Variants in CHPT1 observed in about 807,000 individuals in gnomAD.
CHPT1 encodes the protein cholinephosphotransferase 1.
In CHPT1, 36 loss-of-function variants were observed where a neutral mutation model predicts 47.6. The observed-to-expected ratio is 0.76, with a 90% CI of 0.58 to 1.00. The LOEUF (loss-of-function observed/expected upper bound fraction) is 1.00, where lower values mean the gene tolerates loss of function less well. CHPT1 is among the 50% of genes least tolerant of loss of function. The pLI, the probability that CHPT1 is intolerant of heterozygous loss-of-function variation, is 0.00. For synonymous variants in CHPT1, 194 were observed against 186.3 expected, an observed-to-expected ratio of 1.04 and a Z score of -0.33; for missense variants, 458 against 498.1, an observed-to-expected ratio of 0.92 and a Z score of 0.77.
intron 1 of CHPT1, among the ~76,000 whole-genome samples, chr12:101,707,190 G>A (rs1459945880): frequency 6.6e-6 from 1 of 152,196 alleles, no homozygotes; most frequent in African/African-American, 2.4e-5. Flanking sequence ...CCTTGAAGGA[G>A]GGGGCATATG....
chr12:101,728,698 C>T, intron 8 of CHPT1: 1 of 549,878 alleles, frequency 1.8e-6, no homozygotes, highest in Non-Finnish European at 3.1e-6. Flanking sequence ...GAAAAATTCA[C>T]TATCATTACT....
At position 101,697,969 on chromosome 12, in the gene CHPT1, G is replaced by C; in HGVS notation, c.108G>C (p.Ala36=). 1 of 1,504,486 alleles carries C rather than the reference G, an allele frequency of 6.6e-7. No individual in the cohort carries two copies. The highest frequency in any genetic ancestry group is 8.8e-7 in the Non-Finnish European group (1 of 1,137,284). 93.2% of individuals were successfully genotyped at this position (1,504,486 alleles called of 1,614,324 possible). ...GACTGGAGGAGCACCGCTACAGCGC[G>C]GCGGGCGTCTCGCTGCTCGAGCCGC... ...LRRLEEHRYS[A]AGVSLLEPPL... Residue 36 remains alanine (A), a synonymous_variant, in exon 1 of 9, where the codon GCG becomes GCC. Coordinates refer to ENST00000229266, the MANE Select transcript of CHPT1 (RefSeq NM_020244.3).
At position 101,697,676 on chromosome 12, in the gene CHPT1, T is replaced by TCTGGGG. The variant is rs1368015239; in HGVS notation, c.-178_-173dup. 1 of 164,100 alleles carries TCTGGGG rather than the reference T, an allele frequency of 6.1e-6. No homozygotes were observed. The highest frequency in any genetic ancestry group is 2.4e-5 in the African/African-American group (1 of 41,476). The allele number at this position is 164,100 out of a possible 1,614,324, so 10.2% of individuals were successfully genotyped here. On this transcript the variant is annotated 5_prime_UTR_variant, in exon 1 of 9. Coordinates refer to ENST00000229266, the MANE Select transcript of CHPT1 (RefSeq NM_020244.3). ...GAGCCGCAGCCGCGGCCCCACAGCT[T>TCTGGGG]CTGGGGCTGGGGCCCCGGCAGCCGG...
chr12:101,723,186 C>T lies in CHPT1; in HGVS notation c.799C>T (p.Pro267Ser), dbSNP rs762442659. The T allele has an allele frequency of 3.7e-6, 6 of 1,612,462 alleles. No homozygotes were observed. Among genetic ancestry groups the T allele is most frequent in the Non-Finnish European group, 5.1e-6 (6 of 1,179,058 alleles). Reference protein sequence around the residue: ...STIAGTSVLSPGLHIGLIIIL... With the variant: ...STIAGTSVLSSGLHIGLIIIL... ...CCCTTAGGGCACCAGTGTCTTGTCA[C>T]CTGGACTCCACATAGGACTAATTAT... is the stretch of plus-strand genomic sequence containing the variant. Residue 267 changes from proline to serine, a missense_variant, in exon 6 of 9, where the codon CCT becomes TCT. Transcript: ENST00000229266.
intron 1 of CHPT1, among the ~76,000 whole-genome samples, chr12:101,709,461 T>C (rs1181951839): frequency 6.8e-6 from 1 of 147,534 alleles, no homozygotes. Flanking sequence ...GGAAGGAAGT[T>C]GTTCTGCTGT....
chr12:101,710,542 C>A (rs999332026), intron 1 of CHPT1, among the ~76,000 whole-genome samples: 18 of 148,862 alleles, frequency 1.2e-4, no homozygotes, highest in African/African-American at 4.1e-4. Context: ...CATTCCCAGT[C>A]TCTCCCTATT....
intron 4 of CHPT1, chr12:101,719,667 G>A (rs1951817371): frequency 2.8e-6 from 1 of 362,544 alleles, no homozygotes; most frequent in Non-Finnish European, 5.0e-6. Flanking sequence ...AAATTCAAAT[G>A]AACTATCCTT....
At chr12:101,717,092 C>CA (rs1951774801) in intron 4 of CHPT1, 1 of 391,506 alleles carries the variant, frequency 2.6e-6, no homozygotes. Flanking sequence ...AAAACAACAA[C>CA]AAAAAACACA....
At chr12:101,699,143 C>T (rs1177471243) in intron 1 of CHPT1, among the ~76,000 whole-genome samples, 1 of 149,322 alleles carries the variant, frequency 6.7e-6, no homozygotes, top group Non-Finnish European at 1.5e-5. Context: ...AGTGCCGTGC[C>T]GTGGCTCGAT....
chr12:101,705,494 TA>T (rs1951618692), intron 1 of CHPT1, among the ~76,000 whole-genome samples: 1 of 56,500 alleles, frequency 1.8e-5, no homozygotes, highest in Admixed American at 2.1e-4. Context: ...CAGTAACAAA[TA>T]CTGAGCTCCT....
intron 1 of CHPT1, 27 bp downstream of exon 1, chr12:101,698,161 G>A (rs547996602): frequency 2.5e-5 from 35 of 1,413,042 alleles, no homozygotes; most frequent in Non-Finnish European, 3.2e-5. Flanking sequence ...GCCCGAGCCG[G>A]GCCCCAGATG....
At chr12:101,726,551 A>C (rs1951948537) in intron 8 of CHPT1, 147 bp downstream of exon 8, 1 of 1,178,650 alleles carries the variant, frequency 8.5e-7, no homozygotes, top group Non-Finnish European at 1.1e-6. Flanking sequence ...AACCCTGTAG[A>C]TTTCATTGTG....
Position 101,697,867 on chromosome 12 carries a change from G to C in CHPT1, c.6G>C (p.Ala2=). M[A]AGAGAGSAPR... is the part of the protein sequence containing the mutation. ...GGCGGGGCCCTCAGGCGGCCATGGC[G>C]GCAGGCGCCGGGGCCGGGTCCGCGC... is the stretch of plus-strand genomic sequence containing the variant. Residue 2 remains alanine, a synonymous_variant, in exon 1 of 9, where the codon GCG becomes GCC. Coordinates refer to ENST00000229266, the MANE Select transcript of CHPT1 (RefSeq NM_020244.3). The C allele has an allele frequency of 8.5e-7, 1 of 1,179,286 alleles. No individual in the cohort carries two copies. Among genetic ancestry groups the C allele is most frequent in the Non-Finnish European group, 1.0e-6 (1 of 954,310 alleles). The allele number at this position is 1,179,286 out of a possible 1,614,324, so 73.1% of individuals were successfully genotyped here. A position where few individuals can be genotyped will look rare whatever the true frequency, so the allele number is the denominator to read the frequency against.
chr12:101,698,392 C>G (rs370108894), intron 1 of CHPT1, among the ~76,000 whole-genome samples: 3 of 152,200 alleles, frequency 2.0e-5, no homozygotes, highest in African/African-American at 7.2e-5. Context: ...CCTATGTCCG[C>G]GCAGATCCTC....
intron 3 of CHPT1, 93 bp downstream of exon 3, chr12:101,714,738 TCTTC>T: frequency 7.8e-7 from 1 of 1,287,538 alleles, no homozygotes; most frequent in Non-Finnish European, 1.0e-6. Context: ...GGAGAACAAA[TCTTC>T]AATCAGTAAC....
chr12:101,724,750 T>C (rs1951914042), intron 7 of CHPT1, among the ~76,000 whole-genome samples: 1 of 109,592 alleles, frequency 9.1e-6, no homozygotes, highest in African/African-American at 4.1e-5. Flanking sequence ...ACGACGTGGA[T>C]GACATAATTT....
At chr12:101,723,607 A>G (rs537286227) in intron 6 of CHPT1, 115 bp from the exon 7 acceptor site, 4 of 698,010 alleles carry the variant, frequency 5.7e-6, no homozygotes, top group South Asian at 4.5e-5. Flanking sequence ...GTATTCTTAA[A>G]TGTGAGATTA....
intron 1 of CHPT1, among the ~76,000 whole-genome samples, chr12:101,707,866 C>A (rs1951654386): frequency 6.6e-6 from 1 of 152,136 alleles, no homozygotes; most frequent in Non-Finnish European, 1.5e-5. Flanking sequence ...CTCCTTCAGT[C>A]ACTGCGTAGT....
At chr12:101,706,594 C>T (rs964317218) in intron 1 of CHPT1, among the ~76,000 whole-genome samples, 16 of 152,172 alleles carry the variant, frequency 1.1e-4, no homozygotes, top group Admixed American at 6.5e-5. Context: ...TCTCAGCATG[C>T]AGCTTTCACC....
Sources: allele counts gnomAD v4.1 joint callset (sites outside exome capture counted in the v4.1 genomes callset), GRCh38; gene constraint gnomAD v4.1.1; transcripts MANE v1.5; gene names NCBI Gene and HGNC (gene_info 2026-07-23, HGNC 2026-07-21).